The following RPH3A variants were observed in gnomAD, a reference collection of about 807,000 sequenced individuals.
RPH3A encodes rabphilin-3A.
RPH3A carries 48 observed loss-of-function variants against 102.2 expected under a neutral mutation model. The ratio of observed to expected loss-of-function variants is 0.47; its 90% confidence interval spans 0.37 to 0.60. The LOEUF is 0.60. RPH3A is among the 20% of genes least tolerant of loss of function. RPH3A has a pLI of 0.00. For missense variants in RPH3A, 781 were observed against 910.1 expected, an observed-to-expected ratio of 0.86 and a Z score of 1.83; for synonymous variants, 310 against 324.3, an observed-to-expected ratio of 0.96 and a Z score of 0.47.
rs529826755 is a variant in RPH3A, at chr12:112,712,925, C to CTCTTCTTCTTCTTCTTCTTCTTCTTCT, written c.-139-79204_-139-79178dup. Among the ~76,000 whole-genome samples the CTCTTCTTCTTCTTCTTCTTCTTCTTCT allele has an allele frequency of 2.6e-4, 25 of 94,560 alleles. 1 individual carries two copies. The highest frequency in any genetic ancestry group is 9.1e-3 in the Middle Eastern group (2 of 220). The allele number at this position is 94,560 out of a possible 152,430, so 62.0% of individuals were successfully genotyped here. A position where few individuals can be genotyped will look rare whatever the true frequency, so the allele number is the denominator to read the frequency against. The stretch of plus-strand genomic sequence containing the variant: ...CTTCCTCTTCTTCTTCTTCTTCTTC[C>CTCTTCTTCTTCTTCTTCTTCTTCTTCT]TCTTCTTCTTCTTCTTCTTCTTCTT... On this transcript the variant is annotated intron_variant, in intron 1 of 21. Coordinates refer to the RPH3A transcript ENST00000543106.
intron 1 of RPH3A, among the ~76,000 whole-genome samples, chr12:112,768,784 C>T (rs2040908784): frequency 6.6e-6 from 1 of 152,132 alleles, no homozygotes; most frequent in Non-Finnish European, 1.5e-5. Context: ...TGGTGACACA[C>T]TTCTGTAATT....
Position 112,808,813 on chromosome 12 carries a change from G to T in RPH3A, c.-19+16550G>T, listed in dbSNP as rs77948809. Among the ~76,000 whole-genome samples, 48 of 152,274 alleles carry T rather than the reference G, an allele frequency of 3.2e-4. No homozygotes were observed. The East Asian group carries it at 8.9e-3, about 28-fold the overall frequency. On this transcript the variant is annotated intron_variant, in intron 2 of 21. Transcript: ENST00000389385. ...GGGTCTGAGGAGCGGGTATGAATTT[G>T]TGCCTTAAGTATCCCTCCAGGTGAT...
chr12:112,891,122 C>A (rs1290408312), intron 19 of RPH3A, 119 bp downstream of exon 19: 13 of 1,179,496 alleles, frequency 1.1e-5, no homozygotes, highest in East Asian at 2.5e-5. Flanking sequence ...GGGCAAGGAA[C>A]CTGCCCAAGG....
At position 112,680,253 on chromosome 12, in the gene RPH3A, T is replaced by A. The variant is rs12305300; in HGVS notation, c.-140+104934T>A. ...GAGAGTTTTATGTGGTTGAATAATA[T>A]AACTGGCTTTGGGTCCCAAAAGATC... On this transcript the variant is annotated intron_variant, in intron 1 of 21. Coordinates refer to the RPH3A transcript ENST00000543106. 6.5e-3 allele frequency among the ~76,000 whole-genome samples: 988 copies of A among 152,298 alleles called. 14 individuals are homozygous for A. The highest frequency in any genetic ancestry group is 0.023 in the African/African-American group (936 of 41,558).
chr12:112,669,479 C>G (rs1353534158), intron 1 of RPH3A, among the ~76,000 whole-genome samples: 1 of 152,154 alleles, frequency 6.6e-6, no homozygotes, highest in Non-Finnish European at 1.5e-5. Flanking sequence ...TTAAAAGTTT[C>G]CCCATGATTG....
intron 1 of RPH3A, among the ~76,000 whole-genome samples, chr12:112,754,386 G>A (rs1369109809): frequency 6.6e-6 from 1 of 152,122 alleles, no homozygotes; most frequent in East Asian, 1.9e-4. Context: ...TTCTTATTAT[G>A]TATTATTGAT....
intron 1 of RPH3A, among the ~76,000 whole-genome samples, chr12:112,669,096 G>GA (rs2040109756): frequency 1.3e-5 from 2 of 152,200 alleles, no homozygotes; most frequent in Non-Finnish European, 2.9e-5. Context: ...AGGTTGTGTA[G>GA]GTTGCTCACT....
intron 1 of RPH3A, among the ~76,000 whole-genome samples, chr12:112,643,424 T>C (rs1393185858): frequency 1.3e-5 from 2 of 152,126 alleles, no homozygotes; most frequent in Non-Finnish European, 2.9e-5. Context: ...GAGTTAAGCA[T>C]GTGTGTGTTC....
At chr12:112,893,108 C>G (rs573085332) in intron 19 of RPH3A, 6 of 152,174 alleles carry the variant, frequency 3.9e-5, no homozygotes, top group African/African-American at 1.4e-4. Context: ...CCCCCTCCCC[C>G]ACCTACCCAA....
chr12:112,853,701 T>C (rs1802922767), intron 5 of RPH3A, among the ~76,000 whole-genome samples: 1 of 152,010 alleles, frequency 6.6e-6, no homozygotes, highest in African/African-American at 2.4e-5. Flanking sequence ...TGGTGGTGCA[T>C]GCCTGTAATT....
At chr12:112,676,568 G>A (rs1264346380) in intron 1 of RPH3A, among the ~76,000 whole-genome samples, 2 of 152,244 alleles carry the variant, frequency 1.3e-5, no homozygotes, top group African/African-American at 4.8e-5. Flanking sequence ...GAGCGACTAG[G>A]CCTTCCTTTA....
chr12:112,713,017 C>CT lies in RPH3A; in HGVS notation c.-139-79125dup, dbSNP rs1565857231. ...TGTCTTCCTCTTCCTCTTCCTCTTC[C>CT]TCTTCCTCTTCTTCTTCTTCTTCTT... On this transcript the variant is annotated intron_variant, in intron 1 of 21. Transcript: ENST00000543106. Among the ~76,000 whole-genome samples the CT allele has an allele frequency of 4.8e-4, 29 of 60,708 alleles. 2 individuals carry two copies. The highest frequency in any genetic ancestry group is 2.7e-3 in the African/African-American group (29 of 10,584). The allele number at this position is 60,708 out of a possible 152,430, so 39.8% of individuals were successfully genotyped here.
chr12:112,868,515 C>T lies in RPH3A; in HGVS notation c.530C>T (p.Pro177Leu), dbSNP rs1593105256. Reference sequence around the variant, plus strand: ...CCTATGCCTATAAAGAAGACCAAGCCCCAGCAGCCTGTCAGTGAGCCTGCT... The same window carrying T: ...CCTATGCCTATAAAGAAGACCAAGCTCCAGCAGCCTGTCAGTGAGCCTGCT... Reference protein sequence around the residue: ...PQPMPIKKTKPQQPVSEPAAP... With the variant: ...PQPMPIKKTKLQQPVSEPAAP... Residue 177 changes from proline (P) to leucine (L), a missense_variant, in exon 8 of 22, where the codon CCC (proline) becomes CTC (leucine). Physicochemically the swap from Pro to Leu is moderately conservative, Grantham distance 98 (BLOSUM62 -3). Around this residue, in one of 2 missense-constraint regions of RPH3A, gnomAD observed 730 missense variants for 810.0 expected, o/e 0.90. Transcript: ENST00000389385. 1.9e-6 allele frequency: 3 copies of T among 1,614,136 alleles called. No homozygotes were observed. The highest frequency in any genetic ancestry group is 4.5e-5 in the East Asian group (2 of 44,884).
intron 2 of RPH3A, among the ~76,000 whole-genome samples, chr12:112,804,242 A>G (rs938987514): frequency 6.6e-6 from 1 of 152,224 alleles, no homozygotes; most frequent in Non-Finnish European, 1.5e-5. Context: ...GCTCCAAAGC[A>G]TAGTGGGTCC....
At chr12:112,862,616 A>G (rs1253635590) in intron 5 of RPH3A, among the ~76,000 whole-genome samples, 1 of 149,828 alleles carries the variant, frequency 6.7e-6, no homozygotes, top group African/African-American at 2.5e-5. Flanking sequence ...GGGGAAAATG[A>G]GGAAGAATTG....
At chr12:112,645,742 G>A (rs1212176933) in intron 1 of RPH3A, among the ~76,000 whole-genome samples, 2 of 152,092 alleles carry the variant, frequency 1.3e-5, no homozygotes, top group Admixed American at 6.6e-5. Flanking sequence ...GATTGCAATC[G>A]CTTCTAGTAG....
At chr12:112,867,812 C>A (rs145099796) in intron 7 of RPH3A, among the ~76,000 whole-genome samples, 254 of 152,348 alleles carry the variant, frequency 1.7e-3, no homozygotes, top group African/African-American at 5.9e-3. Flanking sequence ...TTTCAAGAGG[C>A]TTTGTTGTAA....
intron 1 of RPH3A, among the ~76,000 whole-genome samples, chr12:112,597,765 A>G (rs1262155934): frequency 6.6e-6 from 1 of 152,116 alleles, no homozygotes; most frequent in Non-Finnish European, 1.5e-5. Flanking sequence ...CTGAAGAGAG[A>G]CTGTTAACTG....
chr12:112,783,067 G>A (rs1245026796), intron 1 of RPH3A, among the ~76,000 whole-genome samples: 1 of 152,114 alleles, frequency 6.6e-6, no homozygotes, highest in Non-Finnish European at 1.5e-5. Context: ...CCTGAGAGAT[G>A]GGCTCTCACC....
Sources: gnomAD v4.1 joint callset for allele counts (sites outside exome capture counted in the v4.1 genomes callset) on GRCh38, gnomAD v4.1.1 for gene constraint, gnomAD v4.1.1 regional missense constraint, MANE v1.5 for transcripts, NCBI Gene and HGNC (gene_info 2026-07-23, HGNC 2026-07-21) for gene names.